Variants in CARMIL1 observed in about 807,000 individuals in gnomAD.
CARMIL1 encodes the protein capping protein regulator and myosin 1 linker 1, also known as F-actin-uncapping protein LRRC16A.
Under a neutral mutation model 177.1 loss-of-function variants are expected in CARMIL1, and 90 were observed. The observed-to-expected ratio is 0.51, with a 90% CI of 0.43 to 0.61. The LOEUF (loss-of-function observed/expected upper bound fraction) is 0.61, where lower values mean the gene tolerates loss of function less well. Ranked by LOEUF, CARMIL1 falls within the 20% of genes least tolerant of loss-of-function variation. CARMIL1 has a pLI of 0.00. For missense variants in CARMIL1, 1,380 were observed against 1,667.0 expected (o/e 0.83, Z 3.00); for synonymous variants, 577 against 606.2 (o/e 0.95, Z 0.71).
At chr6:25,368,914 T>C (rs1790114104) in intron 2 of CARMIL1, among the ~76,000 whole-genome samples, 2 of 152,246 alleles carry the variant, frequency 1.3e-5, no homozygotes, top group Non-Finnish European at 2.9e-5. Flanking sequence ...GATGTACTTA[T>C]TGATTTACTG....
At chr6:25,574,629 G>A (rs1284021343) in intron 29 of CARMIL1, among the ~76,000 whole-genome samples, 1 of 152,158 alleles carries the variant, frequency 6.6e-6, no homozygotes, top group African/African-American at 2.4e-5. Flanking sequence ...TCAAACATAC[G>A]TGTATTCATG....
At chr6:25,420,201 C>T in intron 3 of CARMIL1, 37 bp downstream of exon 3, 1 of 1,591,380 alleles carries the variant, frequency 6.3e-7, no homozygotes, top group African/African-American at 1.3e-5. Flanking sequence ...TGCACTCACA[C>T]TCACTCATAC....
At chr6:25,569,886 C>T (rs931253426) in intron 29 of CARMIL1, among the ~76,000 whole-genome samples, 8 of 151,974 alleles carry the variant, frequency 5.3e-5, no homozygotes, top group African/African-American at 1.9e-4. Context: ...TTTATGTTTT[C>T]ACAATAAAGA....
Position 25,331,639 on chromosome 6 carries a change from G to A in CARMIL1, c.138+46730G>A, listed in dbSNP as rs540113159. 5.8e-4 allele frequency among the ~76,000 whole-genome samples: 89 copies of A among 152,286 alleles called. 4 individuals are homozygous for A. The South Asian group carries it at 0.017, about 28-fold the overall frequency. On this transcript the variant is annotated intron_variant, in intron 2 of 36. Coordinates refer to ENST00000329474, the MANE Select transcript of CARMIL1 (RefSeq NM_017640.6). ...AGAATCTGAGTCTCTTGCAGGACCC[G>A]TGAGGCATCCGTCCCCCAAGGGAGC...
chr6:25,514,255 C>T (rs112428952), intron 20 of CARMIL1, among the ~76,000 whole-genome samples: 3,486 of 152,166 alleles, frequency 0.023, 44 homozygotes, highest in Middle Eastern at 0.037. Context: ...CAAATAAAAA[C>T]GTCACACAAG....
At chr6:25,610,269 T>A in intron 36 of CARMIL1, 88 bp downstream of exon 36, 2 of 1,406,342 alleles carry the variant, frequency 1.4e-6, no homozygotes, top group Non-Finnish European at 1.9e-6. Context: ...TGGACTTTAC[T>A]AATATCTTAG....
intron 2 of CARMIL1, among the ~76,000 whole-genome samples, chr6:25,315,176 T>C (rs1784171763): frequency 6.6e-6 from 1 of 152,226 alleles, no homozygotes; most frequent in Non-Finnish European, 1.5e-5. Context: ...AGAGTGTGGA[T>C]GAGGCTCTAT....
chr6:25,355,616 G>GT (rs1788515613), intron 2 of CARMIL1, among the ~76,000 whole-genome samples: 1 of 152,196 alleles, frequency 6.6e-6, no homozygotes, highest in Admixed American at 6.5e-5. Context: ...TAAGGCTGCA[G>GT]TGAGTTATGA....
chr6:25,335,098 C>T (rs1786075809), intron 2 of CARMIL1, among the ~76,000 whole-genome samples: 1 of 152,208 alleles, frequency 6.6e-6, no homozygotes, highest in African/African-American at 2.4e-5. Flanking sequence ...CTGTTCATTT[C>T]ACTGTCCTGC....
chr6:25,312,105 A>G (rs1783867857), intron 2 of CARMIL1, among the ~76,000 whole-genome samples: 1 of 152,240 alleles, frequency 6.6e-6, no homozygotes, highest in African/African-American at 2.4e-5. Context: ...AAACACTTTC[A>G]AAATAAGACA....
At position 25,581,329 on chromosome 6, in the gene CARMIL1, C is replaced by A. The variant is rs763392762; in HGVS notation, c.2896C>A (p.Arg966=). 4.3e-6 allele frequency: 7 copies of A among 1,613,734 alleles called. No individual in the cohort carries two copies. The South Asian group carries it at 5.5e-5, about 13-fold the overall frequency. ...PPFPSLRQEK[R]SSGFISELPS... ...CTTCCCATCCCTCAGACAGGAGAAGCGGAGCTCGGGATTTATCTCTGAGTT... is the reference window on the plus strand; with the variant it reads ...CTTCCCATCCCTCAGACAGGAGAAGAGGAGCTCGGGATTTATCTCTGAGTT... The change falls in exon 31 of 37, where the codon CGG becomes AGG. Residue 966 remains arginine, a synonymous_variant. Transcript: ENST00000329474.
chr6:25,591,946 C>T (rs1337524461), intron 31 of CARMIL1, among the ~76,000 whole-genome samples: 6 of 151,968 alleles, frequency 3.9e-5, no homozygotes, highest in Non-Finnish European at 7.3e-5. Flanking sequence ...ACCCCACATC[C>T]CCAGAGAACC....
At chr6:25,323,947 G>A (rs1423359377) in intron 2 of CARMIL1, among the ~76,000 whole-genome samples, 1 of 152,222 alleles carries the variant, frequency 6.6e-6, no homozygotes, top group Non-Finnish European at 1.5e-5. Flanking sequence ...GGATGGAAGA[G>A]CAGTGATCAG....
intron 2 of CARMIL1, among the ~76,000 whole-genome samples, chr6:25,351,039 C>A (rs539789257): frequency 6.6e-6 from 1 of 152,058 alleles, no homozygotes; most frequent in Non-Finnish European, 1.5e-5. Flanking sequence ...ATTATAGAAA[C>A]ATGGAAGAGA....
chr6:25,472,907 A>G (rs183264916), intron 11 of CARMIL1, among the ~76,000 whole-genome samples: 20 of 152,292 alleles, frequency 1.3e-4, no homozygotes, highest in African/African-American at 4.3e-4. Flanking sequence ...CTCTCAAGAC[A>G]AGGCAAGTTG....
intron 2 of CARMIL1, among the ~76,000 whole-genome samples, chr6:25,315,382 A>T (rs987670582): frequency 6.6e-6 from 1 of 152,090 alleles, no homozygotes; most frequent in Non-Finnish European, 1.5e-5. Context: ...GATGATAGGC[A>T]CTCCTCAGTT....
chr6:25,419,039 C>T (rs57161146), intron 2 of CARMIL1, among the ~76,000 whole-genome samples: 2,121 of 152,290 alleles, frequency 0.014, 52 homozygotes, highest in African/African-American at 0.045. Flanking sequence ...GTATAAAGCA[C>T]GCCACAGGGG....
chr6:25,450,768 CT>C (rs1798721924), intron 8 of CARMIL1, 57 bp downstream of exon 8: 2 of 405,360 alleles, frequency 4.9e-6, no homozygotes, highest in African/African-American at 5.2e-5. Context: ...CCCTCCCTTC[CT>C]CCCTCCCCTC....
At chr6:25,368,554 C>G (rs180816219) in intron 2 of CARMIL1, among the ~76,000 whole-genome samples, 1 of 152,086 alleles carries the variant, frequency 6.6e-6, no homozygotes, top group African/African-American at 2.4e-5. Context: ...TTTAGGGAGA[C>G]AAAACAGACA....
Sources: allele counts gnomAD v4.1 joint callset (sites outside exome capture counted in the v4.1 genomes callset), GRCh38; gene constraint gnomAD v4.1.1; transcripts MANE v1.5; gene names NCBI Gene and HGNC (gene_info 2026-07-23, HGNC 2026-07-21).